TSEN2: variants seen among roughly 807,000 people sequenced by gnomAD.
The protein encoded by TSEN2 is tRNA-splicing endonuclease subunit Sen2.
A neutral mutation model predicts 59.2 loss-of-function variants in TSEN2; 54 were observed. The observed-to-expected ratio is 0.91, with a 90% confidence interval of 0.73 to 1.14. TSEN2 has a LOEUF of 1.14. TSEN2 is among the 50% of genes most tolerant of loss of function. TSEN2 has a pLI of 0.00. For missense variants in TSEN2, 636 were observed against 576.2 expected (o/e 1.10, Z -1.06); for synonymous variants, 195 against 198.2 (o/e 0.98, Z 0.14).
rs552156887 is a variant in TSEN2, at chr3:12,489,635, T to TA, written c.-17-148dup. The TA allele has an allele frequency of 5.5e-5, 37 of 673,884 alleles. No homozygotes were observed. In the Middle Eastern group the frequency reaches 1.6e-3, roughly 29 times the overall value. The allele number at this position is 673,884 out of a possible 1,614,324, so 41.7% of individuals were successfully genotyped here. ...TTACATTGCTCACACAAACTGTTCT[T>TA]ACTGCTTTTAGTTTATTGCTTTATA... On this transcript the variant is annotated intron_variant, in intron 1 of 11. Transcript: ENST00000284995.
rs33955793 is a variant in TSEN2, at chr3:12,503,330, G to T, written c.377G>T (p.Arg126Leu). The T allele has an allele frequency of 3.9e-5, 63 of 1,614,024 alleles. No homozygotes were observed. The South Asian group carries it at 6.5e-4, about 17-fold the overall frequency. ...RRQGQDESTV[R>L]RILKDYTKPL... Reference sequence around the variant, plus strand: ...CAGGGGCAGGATGAGAGTACAGTGCGCAGAATCCTCAAGGATTACACGAAA... The same window carrying T: ...CAGGGGCAGGATGAGAGTACAGTGCTCAGAATCCTCAAGGATTACACGAAA... The change falls in exon 5 of 12, where the codon CGC becomes CTC. Residue 126 changes from arginine (R) to leucine (L), a missense_variant. Physicochemically the swap from Arg to Leu is moderately radical, Grantham distance 102. Transcript: ENST00000284995.
At position 12,529,465 on chromosome 3, in the gene TSEN2, C is replaced by CA. The variant is rs36043558; in HGVS notation, c.1137-277dup. ...TGGGTGATAGAGCGAGACTCCGTCTCAAAAAAAAAAAAAAAAAAAATTAGT... is the reference window on the plus strand; with the variant it reads ...TGGGTGATAGAGCGAGACTCCGTCTCAAAAAAAAAAAAAAAAAAAAATTAGT... On this transcript the variant is annotated intron_variant, in intron 9 of 11. Coordinates refer to ENST00000284995, the MANE Select transcript of TSEN2 (RefSeq NM_025265.4). 0.53 allele frequency among the ~76,000 whole-genome samples: 55,539 copies of CA among 105,200 alleles called. 13,171 individuals are homozygous for CA. The highest frequency in any genetic ancestry group is 0.61 in the African/African-American group (17,832 of 29,404). 69.0% of individuals were successfully genotyped at this position (105,200 alleles called of 152,430 possible).
intron 8 of TSEN2, among the ~76,000 whole-genome samples, chr3:12,526,551 T>C (rs1045096524): frequency 2.6e-5 from 4 of 152,214 alleles, no homozygotes; most frequent in African/African-American, 9.6e-5. Flanking sequence ...CTACCATGTT[T>C]ACACAACAAC....
Position 12,503,267 on chromosome 3 carries a change from A to G in TSEN2, c.314A>G (p.Gln105Arg). The G allele has an allele frequency of 6.2e-7, 1 of 1,614,164 alleles. No individual in the cohort carries two copies. Among genetic ancestry groups the G allele is most frequent in the Non-Finnish European group, 8.5e-7 (1 of 1,180,032 alleles). The change falls in exon 5 of 12, where the codon CAG becomes CGG. Residue 105 changes from glutamine to arginine, a missense_variant. Physicochemically the swap from Gln to Arg is conservative, Grantham distance 43. Transcript: ENST00000284995. The part of the protein sequence containing the change: ...NMPIITSKRY[Q>R]HSVEWAAELM... Reference sequence around the variant, plus strand: ...ACAGTATTTCTGTCTTGCAGGTATCAGCATAGTGTTGAGTGGGCAGCAGAG... The same window carrying G: ...ACAGTATTTCTGTCTTGCAGGTATCGGCATAGTGTTGAGTGGGCAGCAGAG...
intron 8 of TSEN2, among the ~76,000 whole-genome samples, chr3:12,524,287 T>A (rs1051750355): frequency 7.2e-5 from 11 of 152,222 alleles, no homozygotes; most frequent in African/African-American, 2.7e-4. Flanking sequence ...CCTTTTAGTT[T>A]CCTAGGGCTT....
chr3:12,512,688 T>C (rs1338498407), intron 6 of TSEN2, among the ~76,000 whole-genome samples: 1 of 152,276 alleles, frequency 6.6e-6, no homozygotes, highest in Non-Finnish European at 1.5e-5. Flanking sequence ...CATGGCATAT[T>C]CCACATGCAA....
intron 2 of TSEN2, 106 bp from the exon 3 acceptor site, chr3:12,492,030 C>G (rs2053266516): frequency 1.0e-6 from 1 of 967,474 alleles, no homozygotes; most frequent in Non-Finnish European, 1.7e-6. Flanking sequence ...ACCAGAGGTC[C>G]TGGAACCAGC....
chr3:12,536,828 C>A (rs1472020054), downstream of TSEN2, among the ~76,000 whole-genome samples: 1 of 151,826 alleles, frequency 6.6e-6, no homozygotes, highest in Non-Finnish European at 1.5e-5. Flanking sequence ...ATGGTGAAAC[C>A]CCGTCTCTAC....
chr3:12,522,486 TC>T (rs1409217744), intron 8 of TSEN2, among the ~76,000 whole-genome samples: 1 of 152,216 alleles, frequency 6.6e-6, no homozygotes, highest in African/African-American at 2.4e-5. Flanking sequence ...AAGCAAAGGT[TC>T]TTGAGCAGTG....
At chr3:12,528,828 C>T (rs2057276536) in intron 8 of TSEN2, 60 bp from the exon 9 acceptor site, 1 of 1,580,146 alleles carries the variant, frequency 6.3e-7, no homozygotes, top group Admixed American at 1.7e-5. Context: ...TTTGTTGAGT[C>T]TTACTCCTCT....
chr3:12,517,356 T>TAAAAAAAAAAAA (rs1372965441), intron 7 of TSEN2, among the ~76,000 whole-genome samples: 1 of 25,064 alleles, frequency 4.0e-5, no homozygotes, highest in Non-Finnish European at 7.6e-5. Context: ...AGACTCTGTC[T>TAAAAAAAAAAAA]CAAAAAAAAA....
At chr3:12,528,737 C>A in intron 8 of TSEN2, 151 bp from the exon 9 acceptor site, 1 of 757,870 alleles carries the variant, frequency 1.3e-6, no homozygotes, top group Non-Finnish European at 2.2e-6. Context: ...AGACCACAGG[C>A]ATATTGCAGA....
chr3:12,518,240 A>G (rs2056321240), intron 7 of TSEN2, among the ~76,000 whole-genome samples: 2 of 152,218 alleles, frequency 1.3e-5, no homozygotes, highest in South Asian at 4.1e-4. Flanking sequence ...CAAATTCTCT[A>G]GTTTCAAACA....
At position 12,539,160 on chromosome 3, in the gene TSEN2, G is replaced by A. The variant is rs189898727; in HGVS notation, c.1261-1G>A. On this transcript the variant is annotated splice_acceptor_variant, in intron 10 of 10. Transcript: ENST00000412698. LOFTEE classifies it high-confidence loss of function. ...TTCTTTTTTTTTTTCTTGTGATGTAGTCTCGCTCTGTCGTCCAGGCTGGAG... is the reference window on the plus strand; with the variant it reads ...TTCTTTTTTTTTTTCTTGTGATGTAATCTCGCTCTGTCGTCCAGGCTGGAG... 1.1e-3 allele frequency: 475 copies of A among 440,448 alleles called. 2 individuals are homozygous for A. The highest frequency in any genetic ancestry group is 1.9e-3 in the Non-Finnish European group (416 of 222,772). 27.3% of individuals were successfully genotyped at this position (440,448 alleles called of 1,614,324 possible). A position where few individuals can be genotyped will look rare whatever the true frequency, so the allele number is the denominator to read the frequency against.
chr3:12,523,461 C>T (rs1472623182), intron 8 of TSEN2, among the ~76,000 whole-genome samples: 1 of 147,304 alleles, frequency 6.8e-6, no homozygotes, highest in Non-Finnish European at 1.5e-5. Flanking sequence ...TGGAGGTCAA[C>T]AGAGCAGCTC....
In TSEN2 at chr3:12,533,154, C is replaced by G. The variant is rs1559371593; in HGVS notation, c.*433C>G. The G allele has an allele frequency of 8.2e-6, 2 of 243,176 alleles. No individual in the cohort carries two copies. Among genetic ancestry groups the G allele is most frequent in the Non-Finnish European group, 1.6e-5 (2 of 123,972 alleles). The allele number at this position is 243,176 out of a possible 1,614,324, so 15.1% of individuals were successfully genotyped here. ...TCTTGTTACCTACATCTAAGCTGTT[C>G]CCGAAAGAGTGTTACAGAACACAAC... is the stretch of plus-strand genomic sequence containing the variant. On this transcript the variant is annotated 3_prime_UTR_variant, in exon 12 of 12. Transcript: ENST00000284995.
chr3:12,496,834 A>G (rs2053794884), intron 4 of TSEN2, among the ~76,000 whole-genome samples: 1 of 152,198 alleles, frequency 6.6e-6, no homozygotes, highest in African/African-American at 2.4e-5. Context: ...AAGTCCTCAT[A>G]TTCTTGGGCC....
chr3:12,514,269 C>A (rs2055813346), intron 6 of TSEN2, among the ~76,000 whole-genome samples: 1 of 152,168 alleles, frequency 6.6e-6, no homozygotes, highest in South Asian at 2.1e-4. Flanking sequence ...AGCTTAGTGT[C>A]TTCAGGGGAC....
upstream of TSEN2, among the ~76,000 whole-genome samples, chr3:12,482,240 G>GCTA (rs1211407431): frequency 1.4e-4 from 22 of 152,270 alleles, no homozygotes; most frequent in East Asian, 3.9e-3. Context: ...TCTTGCCTCA[G>GCTA]CCTCCAGGGT....
Sources: allele counts gnomAD v4.1 joint callset (sites outside exome capture counted in the v4.1 genomes callset), GRCh38; gene constraint gnomAD v4.1.1; transcripts MANE v1.5; gene names NCBI Gene and HGNC (gene_info 2026-07-23, HGNC 2026-07-21).